Variants in TRIM29 observed in about 807,000 individuals in gnomAD.
TRIM29 encodes tripartite motif containing 29.
TRIM29 carries 52 observed loss-of-function variants against 57.3 expected under a neutral mutation model. The observed-to-expected ratio is 0.91, with a 90% CI of 0.73 to 1.14. TRIM29 has a LOEUF of 1.14. Among genes scored for constraint, TRIM29 ranks in the 50% most tolerant of loss-of-function variants. TRIM29 has a pLI of 0.00. For missense variants in TRIM29, 753 were observed against 774.6 expected (o/e 0.97, Z 0.33); for synonymous variants, 319 against 316.9 (o/e 1.01, Z -0.07).
intron 1 of TRIM29, among the ~76,000 whole-genome samples, chr11:120,133,773 C>T (rs374810758): frequency 5.7e-4 from 87 of 152,318 alleles, no homozygotes; most frequent in African/African-American, 1.9e-3. Context: ...GGGAATGAGA[C>T]GAGAAACAAA....
chr11:120,114,360 A>G (rs1405962817), intron 8 of TRIM29, among the ~76,000 whole-genome samples: 1 of 152,188 alleles, frequency 6.6e-6, no homozygotes, highest in Non-Finnish European at 1.5e-5. Flanking sequence ...TCCAAATTAC[A>G]TACACGATCA....
At chr11:120,128,986 G>A (rs756285205) in intron 1 of TRIM29, 54 of 1,217,598 alleles carry the variant, frequency 4.4e-5, no homozygotes, top group African/African-American at 2.6e-4. Context: ...CAGGGTTGCC[G>A]CCGGCGTGGA....
In TRIM29 at chr11:120,123,416, T is replaced by C. The variant is rs896158829; in HGVS notation, c.1334-361A>G. 20 of 475,084 alleles carry C rather than the reference T, an allele frequency of 4.2e-5. 1 individual carries two copies. The highest frequency in any genetic ancestry group is 5.0e-5 in the Non-Finnish European group (12 of 239,708). 29.4% of individuals were successfully genotyped at this position (475,084 alleles called of 1,614,324 possible). ...TATCCCCCTGAGACAGATAAGGAAA[T>C]TGAGACTCAGGAAGTAAGAGAAGCA... is the stretch of plus-strand genomic sequence containing the variant. On this transcript the variant is annotated intron_variant, in intron 4 of 8. Coordinates refer to ENST00000341846, the MANE Select transcript of TRIM29 (RefSeq NM_012101.4).
intron 1 of TRIM29, among the ~76,000 whole-genome samples, chr11:120,129,762 A>G (rs904798489): frequency 6.6e-6 from 1 of 152,144 alleles, no homozygotes; most frequent in Non-Finnish European, 1.5e-5. Context: ...AGGGTGGGGA[A>G]GGCATGGGGC....
At chr11:120,120,998 C>G (rs1863431278) in intron 5 of TRIM29, 1 of 396,716 alleles carries the variant, frequency 2.5e-6, no homozygotes, top group Non-Finnish European at 4.8e-6. Flanking sequence ...CCCAGGGGCC[C>G]ACCCAGGCTG....
chr11:120,134,205 T>C (rs1863773743), intron 1 of TRIM29, among the ~76,000 whole-genome samples: 2 of 152,120 alleles, frequency 1.3e-5, no homozygotes, highest in Non-Finnish European at 2.9e-5. Context: ...GAAGGTGCTG[T>C]CATGTTGCCG....
intron 7 of TRIM29, chr11:120,117,316 C>T (rs548781522): frequency 2.9e-4 from 52 of 179,268 alleles, no homozygotes; most frequent in South Asian, 1.4e-3. Flanking sequence ...TGGGACCCTC[C>T]ACCCATAGTC....
At chr11:120,133,549 A>C (rs1863758355) in intron 1 of TRIM29, among the ~76,000 whole-genome samples, 1 of 150,078 alleles carries the variant, frequency 6.7e-6, no homozygotes, top group African/African-American at 2.5e-5. Flanking sequence ...CTCCTTTCTC[A>C]CCCACCCTGT....
chr11:120,114,770 C>T (rs997322429), intron 8 of TRIM29, among the ~76,000 whole-genome samples: 1 of 152,198 alleles, frequency 6.6e-6, no homozygotes, highest in Non-Finnish European at 1.5e-5. Context: ...ACCCCACCGT[C>T]AGCAGGTGGC....
At chr11:120,130,451 A>G (rs1422653110) in intron 1 of TRIM29, among the ~76,000 whole-genome samples, 1 of 152,230 alleles carries the variant, frequency 6.6e-6, no homozygotes, top group Non-Finnish European at 1.5e-5. Flanking sequence ...CAGCGCTGGT[A>G]AAAGTCCTGT....
At chr11:120,121,864 C>A in intron 5 of TRIM29, 1 of 395,084 alleles carries the variant, frequency 2.5e-6, no homozygotes, top group African/African-American at 2.1e-5. Context: ...ACAGGAGGGA[C>A]AGGGCCAGGG....
intron 5 of TRIM29, chr11:120,120,916 G>A (rs544820168): frequency 1.2e-5 from 7 of 587,256 alleles, no homozygotes; most frequent in South Asian, 9.6e-5. Flanking sequence ...AACCACGAGG[G>A]CAGAAGCAGT....
intron 1 of TRIM29, among the ~76,000 whole-genome samples, chr11:120,134,041 A>C (rs1196041519): frequency 6.6e-6 from 1 of 152,078 alleles, no homozygotes; most frequent in Non-Finnish European, 1.5e-5. Context: ...GCCATAAGAC[A>C]CAGAAAGGGA....
At chr11:120,119,484 G>A (rs752074326) in intron 6 of TRIM29, among the ~76,000 whole-genome samples, 7 of 152,182 alleles carry the variant, frequency 4.6e-5, no homozygotes, top group Non-Finnish European at 1.0e-4. Context: ...AGGGTTCCGC[G>A]AGGCCAGACA....
At chr11:120,130,942 A>G (rs1050012501) in intron 1 of TRIM29, among the ~76,000 whole-genome samples, 1 of 152,206 alleles carries the variant, frequency 6.6e-6, no homozygotes, top group African/African-American at 2.4e-5. Context: ...GTCCGGACAC[A>G]GAGTGAACAG....
chr11:120,128,522 A>G (rs779446482), intron 1 of TRIM29, 27 bp from the exon 2 acceptor site: 56 of 1,601,580 alleles, frequency 3.5e-5, no homozygotes, highest in Non-Finnish European at 4.6e-5. Context: ...AGGATTGGAG[A>G]AGTCAGGGGG....
At position 120,121,918 on chromosome 11, in the gene TRIM29, C is replaced by CTGGTTGG. The variant is rs557754970; in HGVS notation, c.1435+1035_1435+1036insCCAACCA. 363 of 445,174 alleles carry CTGGTTGG rather than the reference C, an allele frequency of 8.2e-4. 3 individuals carry two copies. Among genetic ancestry groups the CTGGTTGG allele is most frequent in the African/African-American group, 6.7e-3 (334 of 49,764 alleles). 27.6% of individuals were successfully genotyped at this position (445,174 alleles called of 1,614,324 possible). On this transcript the variant is annotated intron_variant, in intron 5 of 8. Transcript: ENST00000341846. The stretch of plus-strand genomic sequence containing the variant: ...CTGAGGAGAGGGGTGCTGGGGCCGG[C>CTGGTTGG]ACTCCCAGAACTTGCCCAAAGGCAC...
chr11:120,128,755 T>G, intron 1 of TRIM29: 1 of 1,535,258 alleles, frequency 6.5e-7, no homozygotes, highest in Admixed American at 2.0e-5. Context: ...GCCATGTCTT[T>G]TTAAGGGCTA....
In TRIM29 at chr11:120,112,503, G is replaced by A. The variant is rs528865852; in HGVS notation, c.1705-27C>T. The A allele has an allele frequency of 5.5e-5, 89 of 1,613,006 alleles. 1 individual carries two copies. The South Asian group carries it at 7.5e-4, about 14-fold the overall frequency. Reference sequence around the variant, plus strand: ...TGTGGGGGAAACAAGAGTGGTCAGCGAGGCCAGACGACAGATGAGCCTGCT... The same window carrying A: ...TGTGGGGGAAACAAGAGTGGTCAGCAAGGCCAGACGACAGATGAGCCTGCT... On this transcript the variant is annotated intron_variant, in intron 8 of 8. Coordinates refer to ENST00000341846, the MANE Select transcript of TRIM29 (RefSeq NM_012101.4).
Sources: allele counts gnomAD v4.1 joint callset (sites outside exome capture counted in the v4.1 genomes callset), GRCh38; gene constraint gnomAD v4.1.1; transcripts MANE v1.5; gene names NCBI Gene and HGNC (gene_info 2026-07-23, HGNC 2026-07-21).